The following NAV2 variants were observed in gnomAD, a reference collection of about 807,000 sequenced individuals.
NAV2 encodes the protein helicase, APC down-regulated 1.
NAV2 carries 54 observed loss-of-function variants against 223.2 expected under a neutral mutation model. The observed-to-expected ratio is 0.24, with a 90% CI of 0.19 to 0.30. The LOEUF (loss-of-function observed/expected upper bound fraction) is 0.30. Among genes scored for constraint, NAV2 ranks in the 10% least tolerant of loss-of-function variants. NAV2 has a pLI of 1.00. For synonymous variants in NAV2, 1,279 were observed against 1,239.3 expected, an observed-to-expected ratio of 1.03 and a Z score of -0.67; for missense variants, 2,806 against 3,147.5, an observed-to-expected ratio of 0.89 and a Z score of 2.60.
chr11:19,678,022 T>C (rs2048764812), intron 1 of NAV2, among the ~76,000 whole-genome samples: 1 of 152,092 alleles, frequency 6.6e-6, no homozygotes, highest in African/African-American at 2.4e-5. Flanking sequence ...TCCATCCCTA[T>C]TGTCAGGTTG....
At chr11:19,932,257 A>AAAAAAAAAAAAAAAAAAAAAG (rs1555153008) in intron 6 of NAV2, among the ~76,000 whole-genome samples, 2 of 100,010 alleles carry the variant, frequency 2.0e-5, no homozygotes, top group Non-Finnish European at 4.0e-5. Context: ...AAAAAAAAAA[A>AAAAAAAAAAAAAAAAAAAAAG]AAAGAAAGAA....
chr11:19,517,366 CA>C (rs1480408160), intron 1 of NAV2, among the ~76,000 whole-genome samples: 1 of 152,180 alleles, frequency 6.6e-6, no homozygotes, highest in Non-Finnish European at 1.5e-5. Flanking sequence ...GTGGAATCAC[CA>C]AACCTCTAGA....
At chr11:19,943,379 C>T (rs2046567263) in intron 8 of NAV2, among the ~76,000 whole-genome samples, 1 of 151,994 alleles carries the variant, frequency 6.6e-6, no homozygotes, top group Non-Finnish European at 1.5e-5. Context: ...GAGGGAAATG[C>T]AAGTTTGACC....
At chr11:19,777,358 C>A in intron 1 of NAV2, 1 of 390,546 alleles carries the variant, frequency 2.6e-6, no homozygotes. Context: ...AGAGGAGACC[C>A]GGGACTGGAC....
At chr11:19,821,082 G>A (rs1347395289) in intron 1 of NAV2, among the ~76,000 whole-genome samples, 6 of 152,118 alleles carry the variant, frequency 3.9e-5, no homozygotes, top group Non-Finnish European at 7.4e-5. Flanking sequence ...CTAACACGGT[G>A]AAACCCCGTC....
At chr11:19,954,925 GTATATACATATATATATACA>G (rs1260983977) in intron 10 of NAV2, among the ~76,000 whole-genome samples, 36 of 113,662 alleles carry the variant, frequency 3.2e-4, no homozygotes, top group African/African-American at 1.2e-3. Context: ...GTGTGTGTGT[GTATATACATATATATATACA>G]TATATACATA....
chr11:19,547,831 G>C (rs2044553388), intron 1 of NAV2, among the ~76,000 whole-genome samples: 1 of 152,068 alleles, frequency 6.6e-6, no homozygotes, highest in African/African-American at 2.4e-5. Context: ...ATAAGAAATG[G>C]GCTGGATTTT....
At chr11:19,421,911 A>G (rs1850630956) in intron 1 of NAV2, among the ~76,000 whole-genome samples, 1 of 152,096 alleles carries the variant, frequency 6.6e-6, no homozygotes, top group African/African-American at 2.4e-5. Flanking sequence ...GCCTGGAATC[A>G]CATCCTGACT....
At position 19,533,734 on chromosome 11, in the gene NAV2, T is replaced by C. The variant is rs1237291421; in HGVS notation, c.75+182707T>C. ...TTTTTTTTTTTTTTTTGAGACGGAG[T>C]CTCGCTCTGTCGCCCAGGCTGGAGT... On this transcript the variant is annotated intron_variant, in intron 1 of 37. Coordinates refer to the NAV2 transcript ENST00000360655. Among the ~76,000 whole-genome samples, 5 of 121,440 alleles carry C rather than the reference T, an allele frequency of 4.1e-5. 1 individual carries two copies. The highest frequency in any genetic ancestry group is 2.1e-4 in the African/African-American group (4 of 19,442). 79.7% of individuals were successfully genotyped at this position (121,440 alleles called of 152,430 possible). A position where few individuals can be genotyped will look rare whatever the true frequency, so the allele number is the denominator to read the frequency against.
chr11:19,823,267 G>A (rs1169714064), intron 1 of NAV2, among the ~76,000 whole-genome samples: 1 of 152,100 alleles, frequency 6.6e-6, no homozygotes, highest in Non-Finnish European at 1.5e-5. Context: ...GAGTGCAATG[G>A]CGTGTTCTTG....
At chr11:19,908,682 G>A (rs1456346078) in intron 6 of NAV2, among the ~76,000 whole-genome samples, 1 of 152,220 alleles carries the variant, frequency 6.6e-6, no homozygotes, top group Non-Finnish European at 1.5e-5. Context: ...GTATTTGACA[G>A]CACAGCTCTA....
At chr11:20,033,404 T>TGTGAC (rs2055989838) in intron 11 of NAV2, among the ~76,000 whole-genome samples, 2 of 152,150 alleles carry the variant, frequency 1.3e-5, no homozygotes, top group East Asian at 3.9e-4. Context: ...AATAGAAATG[T>TGTGAC]GTGACACTAT....
At chr11:19,443,877 T>A (rs1437031779) in intron 1 of NAV2, among the ~76,000 whole-genome samples, 1 of 152,364 alleles carries the variant, frequency 6.6e-6, no homozygotes, top group East Asian at 1.9e-4. Flanking sequence ...GAGCCTAGTA[T>A]AGATGCGTAG....
At chr11:20,088,407 G>A (rs538329464) in intron 26 of NAV2, among the ~76,000 whole-genome samples, 41 of 152,262 alleles carry the variant, frequency 2.7e-4, no homozygotes, top group Non-Finnish European at 1.5e-5. Flanking sequence ...GGCTTGTCTC[G>A]AACTCCCCAC....
intron 2 of NAV2, among the ~76,000 whole-genome samples, chr11:19,836,482 G>A (rs1279811030): frequency 2.6e-5 from 4 of 151,546 alleles, no homozygotes; most frequent in African/African-American, 7.3e-5. Flanking sequence ...GCGTGAACCC[G>A]GGAAGCGGAG....
At chr11:19,815,634 T>C (rs1480066034) in intron 1 of NAV2, among the ~76,000 whole-genome samples, 2 of 152,262 alleles carry the variant, frequency 1.3e-5, no homozygotes, top group Admixed American at 6.5e-5. Context: ...GTCATCTGAA[T>C]GACCTGGCCT....
Position 19,570,799 on chromosome 11 carries a change from A to G in NAV2, c.75+219772A>G, listed in dbSNP as rs147404091. On this transcript the variant is annotated intron_variant, in intron 1 of 37. Transcript: ENST00000360655. The stretch of plus-strand genomic sequence containing the variant: ...AAATTGAAAATAACAAGTGTTTCTG[A>G]GGACATGGGGAAATTAGAACCTTCC... Among the ~76,000 whole-genome samples the G allele has an allele frequency of 1.6e-3, 249 of 152,344 alleles. 1 individual carries two copies. Among genetic ancestry groups the G allele is most frequent in the African/African-American group, 5.7e-3 (237 of 41,592 alleles).
chr11:20,091,247 G>T (rs993089515), intron 27 of NAV2, among the ~76,000 whole-genome samples: 1 of 152,138 alleles, frequency 6.6e-6, no homozygotes, highest in African/African-American at 2.4e-5. Context: ...GACTCCCCTG[G>T]TGCCTGTGGC....
intron 1 of NAV2, among the ~76,000 whole-genome samples, chr11:19,783,764 A>G (rs1264145427): frequency 2.0e-5 from 3 of 152,110 alleles, no homozygotes; most frequent in African/African-American, 7.2e-5. Context: ...TCCAAATTCA[A>G]GGTTGTTAGG....
Sources: allele counts gnomAD v4.1 joint callset (sites outside exome capture counted in the v4.1 genomes callset), GRCh38; gene constraint gnomAD v4.1.1; transcripts MANE v1.5; gene names NCBI Gene and HGNC (gene_info 2026-07-23, HGNC 2026-07-21).